Variants in IQSEC2 observed in about 807,000 individuals in gnomAD.
The protein encoded by IQSEC2 is IQ motif and SEC7 domain-containing protein 2.
IQSEC2 carries 6 observed loss-of-function variants against 74.6 expected under a neutral mutation model. That is an observed-to-expected ratio of 0.08 (90% CI 0.04 to 0.16). The LOEUF (loss-of-function observed/expected upper bound fraction) is 0.16. Among genes scored for constraint, IQSEC2 ranks in the 10% least tolerant of loss-of-function variants. The pLI is 1.00. For missense variants in IQSEC2, 734 were observed against 1,306.2 expected (o/e 0.56, Z 6.75); for synonymous variants, 494 against 544.5 (o/e 0.91, Z 1.29).
intron 1 of IQSEC2, among the ~76,000 whole-genome samples, chrX:53,311,021 G>A (rs1556877879): frequency 9.8e-6 from 1 of 102,073 alleles, no homozygotes; most frequent in African/African-American, 3.5e-5. Flanking sequence ...TCGGGAGGCT[G>A]AGGCAGGAGA....
At chrX:53,298,093 G>C (rs1169966966) in intron 1 of IQSEC2, among the ~76,000 whole-genome samples, 2 of 111,561 alleles carry the variant, frequency 1.8e-5, no homozygotes, top group African/African-American at 6.5e-5. Flanking sequence ...TCGCGCCACT[G>C]CACTCCAGAC....
intron 1 of IQSEC2, among the ~76,000 whole-genome samples, chrX:53,310,228 A>G (rs1556877709): frequency 9.1e-6 from 1 of 110,293 alleles, no homozygotes; most frequent in Non-Finnish European, 1.9e-5. Flanking sequence ...TGTCTCTACA[A>G]AAAAAATTAG....
chrX:53,320,940 G>T lies in IQSEC2; in HGVS notation c.184C>A (p.Arg62=), dbSNP rs2075426352. The T allele has an allele frequency of 8.6e-7, 1 of 1,162,339 alleles. No homozygotes were observed. Among genetic ancestry groups the T allele is most frequent in the South Asian group, 1.9e-5 (1 of 52,619 alleles). The part of the protein sequence containing the change: ...DQLTQENRDL[R]EESQLHRGEL... ...CCGCGGTGCAGCTGGCTCTCCTCTC[G>T]CAGGTCGCGGTTCTCCTGGGTGAGC... is the stretch of plus-strand genomic sequence containing the variant. The change falls in exon 1 of 15, where the codon CGA becomes AGA. Residue 62 remains arginine, a synonymous_variant. Transcript: ENST00000642864.
At position 53,297,302 on chromosome X, in the gene IQSEC2, C is replaced by T. The variant is rs183252274; in HGVS notation, c.708-5378G>A. On this transcript the variant is annotated intron_variant, in intron 1 of 14. Transcript: ENST00000642864. The stretch of plus-strand genomic sequence containing the variant: ...TGATTACATTTCCTTTCCCATACAA[C>T]TTTTTATTTTCCCTGCTATTGTTTA... 8.7e-3 allele frequency among the ~76,000 whole-genome samples: 968 copies of T among 111,399 alleles called. 17 individuals are homozygous for T. The highest frequency in any genetic ancestry group is 0.03 in the African/African-American group (931 of 30,660).
At position 53,236,509 on chromosome X, in the gene IQSEC2, G is replaced by A. The variant is rs782292524; in HGVS notation, c.3278-14C>T. On this transcript the variant is annotated splice_polypyrimidine_tract_variant and intron_variant, in intron 12 of 14. Transcript: ENST00000642864. The stretch of plus-strand genomic sequence containing the variant: ...TCTCCAGCTCCGCTGGGTGGCAGTC[G>A]GGGAGACAGGGAGCAAAGGTCAGGA... 12 of 1,186,272 alleles carry A rather than the reference G, an allele frequency of 1.0e-5. No individual in the cohort carries two copies. Among genetic ancestry groups the A allele is most frequent in the East Asian group, 3.1e-5 (1 of 32,461 alleles).
downstream of IQSEC2, among the ~76,000 whole-genome samples, chrX:53,232,458 A>G (rs183536885): frequency 3.4e-4 from 38 of 111,445 alleles, no homozygotes; most frequent in African/African-American, 1.2e-3. Flanking sequence ...CATTCATCCT[A>G]TGAAACGAAG....
At chrX:53,308,715 C>T (rs782324345) in intron 1 of IQSEC2, among the ~76,000 whole-genome samples, 34 of 110,650 alleles carry the variant, frequency 3.1e-4, no homozygotes, top group Non-Finnish European at 5.7e-4. Flanking sequence ...CTGTGGAAAA[C>T]TGATGAAATA....
intron 14 of IQSEC2, 141 bp from the exon 15 acceptor site, chrX:53,235,325 C>G (rs1046550294): frequency 7.4e-5 from 57 of 765,139 alleles, no homozygotes; most frequent in Non-Finnish European, 1.0e-4. Flanking sequence ...CAGTCCGGTA[C>G]GCGTATGTGG....
At chrX:53,243,944 G>A (rs1342416328) in intron 8 of IQSEC2, among the ~76,000 whole-genome samples, 1 of 112,076 alleles carries the variant, frequency 8.9e-6, no homozygotes, top group Non-Finnish European at 1.9e-5. Flanking sequence ...TGCAGGCGGG[G>A]CATGGTGGCT....
chrX:53,267,061 T>A, intron 2 of IQSEC2: 1 of 1,144,470 alleles, frequency 8.7e-7, no homozygotes, highest in South Asian at 1.9e-5. Context: ...CCTCCTCCTC[T>A]TCCCTGGGGC....
chrX:53,312,607 G>T (rs1341351402), intron 1 of IQSEC2, among the ~76,000 whole-genome samples: 2 of 112,071 alleles, frequency 1.8e-5, no homozygotes, highest in Non-Finnish European at 3.8e-5. Flanking sequence ...CTATCGCTGA[G>T]TAAACACATA....
intron 2 of IQSEC2, among the ~76,000 whole-genome samples, chrX:53,284,185 G>C (rs1217618856): frequency 9.0e-6 from 1 of 111,033 alleles, no homozygotes; most frequent in Non-Finnish European, 1.9e-5. Flanking sequence ...TTAATTTCTG[G>C]GGAGAACATC....
chrX:53,259,688 T>C (rs782052299), intron 2 of IQSEC2, among the ~76,000 whole-genome samples: 2 of 110,896 alleles, frequency 1.8e-5, no homozygotes, highest in Non-Finnish European at 3.8e-5. Flanking sequence ...TGGTCCTAGC[T>C]ACTAGGGAGG....
chrX:53,293,399 A>G (rs1000006341), intron 1 of IQSEC2, among the ~76,000 whole-genome samples: 4 of 112,113 alleles, frequency 3.6e-5, no homozygotes, highest in Admixed American at 2.8e-4. Context: ...AGATGCCAGT[A>G]GCACCAATCC....
At chrX:53,307,019 A>T (rs2075269051) in intron 1 of IQSEC2, among the ~76,000 whole-genome samples, 1 of 110,689 alleles carries the variant, frequency 9.0e-6, no homozygotes, top group Admixed American at 9.7e-5. Flanking sequence ...CCAGACCTAG[A>T]ACACAGGCCG....
chrX:53,276,211 T>C (rs2074831153), intron 2 of IQSEC2, among the ~76,000 whole-genome samples: 1 of 112,453 alleles, frequency 8.9e-6, no homozygotes, highest in Non-Finnish European at 1.9e-5. Context: ...TTTGTTTTAC[T>C]CAAGTCTTCT....
At chrX:53,286,595 T>C (rs1556871790) in intron 2 of IQSEC2, among the ~76,000 whole-genome samples, 3 of 111,128 alleles carry the variant, frequency 2.7e-5, no homozygotes, top group Non-Finnish European at 3.8e-5. Context: ...TTGGTGGCCA[T>C]GTCAGGCCAT....
intron 11 of IQSEC2, among the ~76,000 whole-genome samples, chrX:53,238,537 C>T (rs1376797660): frequency 1.8e-5 from 2 of 109,427 alleles, no homozygotes; most frequent in Admixed American, 9.8e-5. Context: ...GCACCACATG[C>T]GCAGATTTTT....
chrX:53,306,548 G>A (rs888256129), intron 1 of IQSEC2, among the ~76,000 whole-genome samples: 4 of 111,628 alleles, frequency 3.6e-5, no homozygotes, highest in Non-Finnish European at 5.7e-5. Context: ...GCTTGGCTAT[G>A]TGGGGGGCCT....
Sources: gnomAD v4.1 joint callset for allele counts (sites outside exome capture counted in the v4.1 genomes callset) on GRCh38, gnomAD v4.1.1 for gene constraint, MANE v1.5 for transcripts, NCBI Gene and HGNC (gene_info 2026-07-23, HGNC 2026-07-21) for gene names.